Variants in PYGB observed in about 807,000 individuals in gnomAD.
PYGB encodes glycogen phosphorylase B, also known as glycogen phosphorylase, brain form.
Under a neutral mutation model 94.3 loss-of-function variants are expected in PYGB, and 82 were observed. That is an observed-to-expected ratio of 0.87 (90% confidence interval 0.73 to 1.04). PYGB has a LOEUF of 1.04. Ranked by LOEUF, PYGB falls within the 50% of genes least tolerant of loss-of-function variation. The probability of loss-of-function intolerance (pLI) is 0.00; values close to 1 mark genes in which losing one functional copy is unlikely to be tolerated. For missense variants in PYGB, 1,132 were observed against 1,158.2 expected, an observed-to-expected ratio of 0.98 and a Z score of 0.33; for synonymous variants, 488 against 479.1, an observed-to-expected ratio of 1.02 and a Z score of -0.24.
At chr20:25,278,282 C>G in intron 7 of PYGB, 37 bp from the exon 8 acceptor site, 1 of 1,596,632 alleles carries the variant, frequency 6.3e-7, no homozygotes, top group Non-Finnish European at 8.6e-7. Flanking sequence ...GGAGAATGGC[C>G]CAGCCTGCAC....
chr20:25,278,318 G>T lies in PYGB; in HGVS notation c.856-1G>T. 6.2e-7 allele frequency: 1 copy of T among 1,613,970 alleles called. No homozygotes were observed. Among genetic ancestry groups the T allele is most frequent in the Non-Finnish European group, 8.5e-7 (1 of 1,179,928 alleles). ...CCTCCAGCTTGCTCTGCTGTGTGCA[G>T]TTCTTTGAGGGGAAGGAGCTGCGGC... On this transcript the variant is annotated splice_acceptor_variant, in intron 7 of 19. Transcript: ENST00000216962. LOFTEE classifies it high-confidence loss of function.
Position 25,254,519 on chromosome 20 carries a change from A to G in PYGB, c.244-4718A>G, listed in dbSNP as rs540458912. The stretch of plus-strand genomic sequence containing the variant: ...AAGAGAAGTGAACACAGATTTAGAA[A>G]GGTAATTGGACAGTAAGAGAAGTTC... On this transcript the variant is annotated intron_variant, in intron 1 of 19. Transcript: ENST00000216962. 1.8e-4 allele frequency among the ~76,000 whole-genome samples: 28 copies of G among 152,324 alleles called. No homozygotes were observed. The South Asian group carries it at 3.3e-3, about 18-fold the overall frequency.
At chr20:25,283,804 C>T (rs1181317366) in intron 13 of PYGB, among the ~76,000 whole-genome samples, 2 of 152,158 alleles carry the variant, frequency 1.3e-5, no homozygotes, top group East Asian at 1.9e-4. Flanking sequence ...GTCCCGCTCC[C>T]GCGCTGCTCC....
At chr20:25,252,514 A>G (rs1343269350) in intron 1 of PYGB, among the ~76,000 whole-genome samples, 2 of 152,228 alleles carry the variant, frequency 1.3e-5, no homozygotes, top group African/African-American at 2.4e-5. Context: ...GTTGCACATC[A>G]GGACCTCCCT....
intron 17 of PYGB, among the ~76,000 whole-genome samples, chr20:25,293,222 T>C (rs1271597992): frequency 6.6e-6 from 1 of 151,976 alleles, no homozygotes; most frequent in African/African-American, 2.4e-5. Context: ...TCATCCACCT[T>C]ATCCCCGCGC....
At chr20:25,290,331 G>C in intron 15 of PYGB, 150 bp from the exon 16 acceptor site, 1 of 981,748 alleles carries the variant, frequency 1.0e-6, no homozygotes, top group Admixed American at 2.5e-5. Context: ...CTTGGGGCCG[G>C]GGAGCCTCCC....
chr20:25,248,789 G>A (rs571810305), intron 1 of PYGB, among the ~76,000 whole-genome samples: 3 of 152,264 alleles, frequency 2.0e-5, no homozygotes, highest in Non-Finnish European at 2.9e-5. Context: ...GCCACTCTTT[G>A]TTTTCCTGCA....
At position 25,276,733 on chromosome 20, in the gene PYGB, C is replaced by G; in HGVS notation, c.748C>G (p.Pro250Ala). ...CATGCGGCTGTGGTCCGCCAAGGCT[C>G]CCAACGACTTCAAGCTGCAGGACTG... Reference protein sequence around the residue: ...NTMRLWSAKAPNDFKLQDFNV... With the variant: ...NTMRLWSAKAANDFKLQDFNV... The change falls in exon 6 of 20, where the codon CCC (proline) becomes GCC (alanine). Residue 250 changes from proline (P) to alanine (A), a missense_variant. Physicochemically the swap from Pro to Ala is conservative, Grantham distance 27. Coordinates refer to ENST00000216962, the MANE Select transcript of PYGB (RefSeq NM_002862.4). 1 of 1,614,002 alleles carries G rather than the reference C, an allele frequency of 6.2e-7. No homozygotes were observed. The highest frequency in any genetic ancestry group is 1.1e-5 in the South Asian group (1 of 91,086).
At chr20:25,292,305 C>A in intron 16 of PYGB, 101 bp from the exon 17 acceptor site, 1 of 1,399,556 alleles carries the variant, frequency 7.1e-7, no homozygotes, top group East Asian at 2.3e-5. Context: ...CCCTCCACGA[C>A]CCAGCCCCGG....
At chr20:25,251,620 G>A (rs1025019911) in intron 1 of PYGB, among the ~76,000 whole-genome samples, 1 of 152,190 alleles carries the variant, frequency 6.6e-6, no homozygotes, top group Admixed American at 6.5e-5. Flanking sequence ...TCCTGGCAGT[G>A]AAAGCAGCCC....
In PYGB at chr20:25,292,338, C is replaced by A. The variant is rs2088475293; in HGVS notation, c.1970-68C>A. 4 of 1,555,964 alleles carry A rather than the reference C, an allele frequency of 2.6e-6. No individual in the cohort carries two copies. The East Asian group carries it at 9.0e-5, about 35-fold the overall frequency. ...CGGGTGGATGGGCCGGCTTGTCCTG[C>A]AGTGAGCCTTGCGGCTGAGGACATT... On this transcript the variant is annotated intron_variant, in intron 16 of 19. Transcript: ENST00000216962.
intron 3 of PYGB, among the ~76,000 whole-genome samples, chr20:25,270,601 A>C (rs12625357): frequency 6.6e-6 from 1 of 151,974 alleles, no homozygotes; most frequent in African/African-American, 2.4e-5. Flanking sequence ...GGGCTCAAGC[A>C]ATCCCCCAAC....
At chr20:25,290,690 C>A in intron 16 of PYGB, 68 bp downstream of exon 16, 1 of 1,569,592 alleles carries the variant, frequency 6.4e-7, no homozygotes, top group South Asian at 1.1e-5. Flanking sequence ...GTACTGGCCC[C>A]GGGCCTTTCA....
chr20:25,266,129 G>T (rs2123537225), intron 2 of PYGB, among the ~76,000 whole-genome samples: 1 of 152,328 alleles, frequency 6.6e-6, no homozygotes, highest in South Asian at 2.1e-4. Context: ...GGGATTTCAG[G>T]CGTGTGCCAC....
chr20:25,293,623 C>T lies in PYGB; in HGVS notation c.2178-535C>T, dbSNP rs117071277. On this transcript the variant is annotated intron_variant, in intron 17 of 19. Coordinates refer to ENST00000216962, the MANE Select transcript of PYGB (RefSeq NM_002862.4). ...CACAGAGGCCTGTGCTCCCTTTCTG[C>T]GCCCTCACACAGCTTCTTCTGCCCG... Among the ~76,000 whole-genome samples the T allele has an allele frequency of 3.0e-3, 451 of 152,348 alleles. 6 individuals are homozygous for T. Among genetic ancestry groups the T allele is most frequent in the Non-Finnish European group, 2.5e-3 (170 of 68,032 alleles).
intron 4 of PYGB, among the ~76,000 whole-genome samples, chr20:25,274,107 C>T (rs1486638893): frequency 3.9e-5 from 6 of 152,186 alleles, no homozygotes; most frequent in Non-Finnish European, 7.3e-5. Context: ...GTTGGATAAC[C>T]GTCCCCACTG....
chr20:25,294,832 C>G (rs1338368002), intron 18 of PYGB: 8 of 865,632 alleles, frequency 9.2e-6, no homozygotes, highest in Non-Finnish European at 1.6e-5. Flanking sequence ...AGGTTTGCAG[C>G]TCAGGGCAGT....
chr20:25,269,231 GCT>G (rs2088244898), intron 3 of PYGB, 24 bp downstream of exon 3: 4 of 1,533,660 alleles, frequency 2.6e-6, no homozygotes, highest in Non-Finnish European at 1.8e-6. Context: ...TCCAGGAGGA[GCT>G]CTCTCGGACC....
intron 4 of PYGB, 125 bp downstream of exon 4, chr20:25,271,611 A>C (rs2088269443): frequency 2.0e-6 from 2 of 1,020,398 alleles, no homozygotes; most frequent in South Asian, 2.9e-5. Context: ...CGGCCAGGGC[A>C]ATGTGGAGCA....
Sources: allele counts gnomAD v4.1 joint callset (sites outside exome capture counted in the v4.1 genomes callset), GRCh38; gene constraint gnomAD v4.1.1; transcripts MANE v1.5; gene names NCBI Gene and HGNC (gene_info 2026-07-23, HGNC 2026-07-21).